The following EFL1 variants were observed in gnomAD, a reference collection of about 807,000 sequenced individuals.
EFL1 encodes elongation factor-like GTPase 1.
In EFL1, 76 loss-of-function variants were observed where a neutral mutation model predicts 126.7. The observed-to-expected ratio is 0.60, with a 90% CI of 0.50 to 0.73. The LOEUF (loss-of-function observed/expected upper bound fraction) is 0.73. Ranked by LOEUF, EFL1 falls within the 30% of genes least tolerant of loss-of-function variation. The pLI is 0.00. For missense variants in EFL1, 1,128 were observed against 1,343.2 expected (o/e 0.84, Z 2.50); for synonymous variants, 410 against 448.4 (o/e 0.91, Z 1.08).
rs143469788 is a variant in EFL1, at chr15:82,254,709, C to T, written c.160-1934G>A. 3.6e-4 allele frequency among the ~76,000 whole-genome samples: 55 copies of T among 152,160 alleles called. No individual in the cohort carries two copies. In the East Asian group the frequency reaches 7.0e-3, roughly 19 times the overall value. On this transcript the variant is annotated intron_variant, in intron 3 of 19. Coordinates refer to ENST00000268206, the MANE Select transcript of EFL1 (RefSeq NM_024580.6). The stretch of plus-strand genomic sequence containing the variant: ...TTTTCCTGAGATTCAGCCACATTGA[C>T]GTAATTTATTCATTTTTATTACTGT...
intron 15 of EFL1, among the ~76,000 whole-genome samples, chr15:82,171,595 G>C (rs1360992067): frequency 6.6e-6 from 1 of 152,176 alleles, no homozygotes; most frequent in African/African-American, 2.4e-5. Flanking sequence ...CATAAAACCT[G>C]AAAGCACAAA....
intron 6 of EFL1, among the ~76,000 whole-genome samples, chr15:82,238,912 T>C (rs2074901915): frequency 6.6e-6 from 1 of 152,134 alleles, no homozygotes; most frequent in Non-Finnish European, 1.5e-5. Context: ...CTGTCTGAAA[T>C]GTGCACTACC....
chr15:82,161,108 C>A (rs1245571629), intron 16 of EFL1, among the ~76,000 whole-genome samples: 2 of 151,800 alleles, frequency 1.3e-5, no homozygotes, highest in African/African-American at 2.4e-5. Context: ...AGTGGAAGAA[C>A]AAATGCTCAC....
chr15:82,232,818 G>A (rs1417841137), intron 7 of EFL1, among the ~76,000 whole-genome samples: 1 of 151,454 alleles, frequency 6.6e-6, no homozygotes, highest in Admixed American at 6.6e-5. Flanking sequence ...CCTTAGTAGG[G>A]GATTTCATAC....
At chr15:82,180,101 T>G (rs2074234255) in intron 15 of EFL1, among the ~76,000 whole-genome samples, 1 of 152,158 alleles carries the variant, frequency 6.6e-6, no homozygotes, top group Non-Finnish European at 1.5e-5. Context: ...ACACCTCTAC[T>G]GATCACACTT....
intron 15 of EFL1, among the ~76,000 whole-genome samples, chr15:82,175,434 T>C (rs2074184620): frequency 6.6e-6 from 1 of 152,228 alleles, no homozygotes; most frequent in Admixed American, 6.5e-5. Context: ...TATTGTGGAC[T>C]GAAAAAATAC....
intron 15 of EFL1, among the ~76,000 whole-genome samples, chr15:82,205,399 A>G (rs1198606575): frequency 1.3e-5 from 2 of 152,194 alleles, no homozygotes; most frequent in Non-Finnish European, 2.9e-5. Context: ...ACAGATGGCT[A>G]TGTTTTCTAC....
intron 15 of EFL1, among the ~76,000 whole-genome samples, chr15:82,194,308 T>C (rs2074388042): frequency 1.3e-5 from 2 of 152,188 alleles, no homozygotes; most frequent in African/African-American, 4.8e-5. Flanking sequence ...TCTTGAGTAT[T>C]TTGTGCAAAG....
intron 7 of EFL1, among the ~76,000 whole-genome samples, chr15:82,232,256 C>T (rs560761874): frequency 6.6e-6 from 1 of 152,316 alleles, no homozygotes; most frequent in South Asian, 2.1e-4. Context: ...GCTTTGCTCT[C>T]CATATTGGCG....
intron 16 of EFL1, among the ~76,000 whole-genome samples, chr15:82,162,539 C>T (rs912665021): frequency 6.6e-6 from 1 of 152,098 alleles, no homozygotes; most frequent in African/African-American, 2.4e-5. Flanking sequence ...AACAAAATCA[C>T]GAAAGGCCAG....
In EFL1 at chr15:82,214,804, T is replaced by C. The variant is rs201845283; in HGVS notation, c.1663A>G (p.Met555Val). 239 of 1,593,364 alleles carry C rather than the reference T, an allele frequency of 1.5e-4. No individual in the cohort carries two copies. Among genetic ancestry groups the C allele is most frequent in the Non-Finnish European group, 1.9e-4 (226 of 1,173,082 alleles). ...PPDGLPQVPH[M>V]AYCALENLYL... is the part of the protein sequence containing the mutation. Reference sequence around the variant, plus strand: ...AGGTTTTCCAGAGCACAGTATGCCATGTGGGGGACTTGGGGGAGGCCATCT... The same window carrying C: ...AGGTTTTCCAGAGCACAGTATGCCACGTGGGGGACTTGGGGGAGGCCATCT... Residue 555 changes from methionine (M) to valine (V), a missense_variant, in exon 15 of 20, where the codon ATG becomes GTG. This residue lies in a region of EFL1 where 120 missense variants were observed against 142.1 expected (regional missense o/e 0.84). Transcript: ENST00000268206.
At chr15:82,182,040 A>G (rs964695911) in intron 15 of EFL1, among the ~76,000 whole-genome samples, 1 of 152,056 alleles carries the variant, frequency 6.6e-6, no homozygotes. Context: ...CAGGCAGATC[A>G]TGAGGTCAGG....
At chr15:82,175,776 C>G (rs988800715) in intron 15 of EFL1, among the ~76,000 whole-genome samples, 1 of 151,960 alleles carries the variant, frequency 6.6e-6, no homozygotes, top group African/African-American at 2.4e-5. Context: ...TTGCTTGAAC[C>G]CAGGAGGTTC....
intron 18 of EFL1, among the ~76,000 whole-genome samples, chr15:82,148,680 T>C (rs546616567): frequency 6.6e-6 from 1 of 152,282 alleles, no homozygotes; most frequent in South Asian, 2.1e-4. Flanking sequence ...CCTTCTTAAA[T>C]GAGTTCAAGT....
intron 12 of EFL1, among the ~76,000 whole-genome samples, chr15:82,221,834 T>C (rs1467213532): frequency 2.6e-5 from 4 of 152,180 alleles, no homozygotes; most frequent in South Asian, 2.1e-4. Flanking sequence ...TCCTCACAAT[T>C]TCTAGCCATG....
At chr15:82,178,002 G>A (rs184714500) in intron 15 of EFL1, among the ~76,000 whole-genome samples, 1 of 152,160 alleles carries the variant, frequency 6.6e-6, no homozygotes, top group Non-Finnish European at 1.5e-5. Context: ...AATACTGTGA[G>A]GTAAGATTGT....
chr15:82,207,434 A>T (rs1013894095), intron 15 of EFL1, among the ~76,000 whole-genome samples: 1 of 151,984 alleles, frequency 6.6e-6, no homozygotes, highest in African/African-American at 2.4e-5. Flanking sequence ...AATGCATTTA[A>T]ACGAAGGCAG....
chr15:82,143,636 G>A (rs1331622488), intron 18 of EFL1, among the ~76,000 whole-genome samples: 3 of 152,182 alleles, frequency 2.0e-5, no homozygotes, highest in African/African-American at 7.2e-5. Context: ...ACACAGTGGG[G>A]AACGTAGGCT....
chr15:82,225,329 T>C (rs556711927), intron 11 of EFL1, 65 bp from the exon 12 acceptor site: 1 of 1,220,218 alleles, frequency 8.2e-7, no homozygotes, highest in Non-Finnish European at 1.1e-6. Flanking sequence ...AACAGATTTT[T>C]CTGGAAAACA....
Sources: allele counts gnomAD v4.1 joint callset (sites outside exome capture counted in the v4.1 genomes callset), GRCh38; gene constraint gnomAD v4.1.1; regional missense constraint gnomAD v4.1.1; transcripts MANE v1.5; gene names NCBI Gene and HGNC (gene_info 2026-07-23, HGNC 2026-07-21).